DOCK5: variants seen among roughly 807,000 people sequenced by gnomAD.
The protein encoded by DOCK5 is dedicator of cytokinesis 5.
Under a neutral mutation model 251.8 loss-of-function variants are expected in DOCK5, and 142 were observed. The ratio of observed to expected loss-of-function variants is 0.56; its 90% CI spans 0.49 to 0.65. DOCK5 has a LOEUF of 0.65. DOCK5 is among the 30% of genes least tolerant of loss of function. The pLI, the probability that DOCK5 is intolerant of heterozygous loss-of-function variation, is 0.00. For synonymous variants in DOCK5, 842 were observed against 835.5 expected (o/e 1.01, Z -0.13); for missense variants, 2,111 against 2,312.3 (o/e 0.91, Z 1.79).
At chr8:25,398,621 C>T (rs1346039459) in intron 45 of DOCK5, among the ~76,000 whole-genome samples, 1 of 152,184 alleles carries the variant, frequency 6.6e-6, no homozygotes, top group Non-Finnish European at 1.5e-5. Context: ...CTTCTTGGTG[C>T]TCCGTGGCTT....
intron 27 of DOCK5, among the ~76,000 whole-genome samples, chr8:25,352,129 C>T (rs1031643978): frequency 6.6e-6 from 1 of 150,850 alleles, no homozygotes; most frequent in African/African-American, 2.4e-5. Context: ...GGGAGGATCA[C>T]TTAAACGTGA....
intron 49 of DOCK5, among the ~76,000 whole-genome samples, chr8:25,408,595 T>A (rs111602295): frequency 2.8e-4 from 43 of 152,330 alleles, no homozygotes; most frequent in African/African-American, 9.1e-4. Flanking sequence ...AAGAATCAAG[T>A]CTGTGGCCAT....
At chr8:25,255,963 ATAG>A (rs1447021412) in intron 2 of DOCK5, among the ~76,000 whole-genome samples, 1 of 152,362 alleles carries the variant, frequency 6.6e-6, no homozygotes, top group East Asian at 1.9e-4. Context: ...AGAAATGGTC[ATAG>A]TAGCAGGAAA....
At position 25,399,894 on chromosome 8, in the gene DOCK5, C is replaced by T. The variant is rs761270261; in HGVS notation, c.4705-17C>T. On this transcript the variant is annotated splice_polypyrimidine_tract_variant and intron_variant, in intron 45 of 51. Coordinates refer to ENST00000276440, the MANE Select transcript of DOCK5 (RefSeq NM_024940.8). ...AGGAATGTGTTCTAATTAAAACTTG[C>T]ATATGCTTTTTTTTAGGCTTTTTTT... 2 of 1,599,068 alleles carry T rather than the reference C, an allele frequency of 1.3e-6. No individual in the cohort carries two copies. Among genetic ancestry groups the T allele is most frequent in the Non-Finnish European group, 1.7e-6 (2 of 1,170,024 alleles).
At chr8:25,376,440 G>A in intron 37 of DOCK5, 4 of 895,316 alleles carry the variant, frequency 4.5e-6, no homozygotes, top group Non-Finnish European at 5.3e-6. Flanking sequence ...TTTTACGTGG[G>A]TCTCTGTCTG....
chr8:25,369,586 C>G lies in DOCK5; in HGVS notation c.3469C>G (p.Gln1157Glu), dbSNP rs1427041640. ...GAATGAGCTGATCACAAAGCTGGAC[C>G]AGGAGGTAGAAGGGGGCAGAGGAGA... ...FENELITKLD[Q>E]EVEGGRGDEQ... is the part of the protein sequence containing the mutation. The change falls in exon 34 of 52, where the codon CAG (glutamine) becomes GAG (glutamate). Residue 1157 changes from glutamine to glutamate, a missense_variant. Physicochemically the swap from Gln to Glu is conservative, Grantham distance 29. Around this residue, in one of 3 missense-constraint regions of DOCK5, gnomAD observed 1,717 missense variants for 1,892.4 expected, o/e 0.91. Coordinates refer to ENST00000276440, the MANE Select transcript of DOCK5 (RefSeq NM_024940.8). The G allele has an allele frequency of 1.9e-6, 3 of 1,611,574 alleles. No homozygotes were observed. In the Admixed American group the frequency reaches 5.0e-5, roughly 27 times the overall value.
intron 5 of DOCK5, among the ~76,000 whole-genome samples, chr8:25,282,230 CT>C (rs1352155622): frequency 1.5e-3 from 224 of 145,592 alleles, no homozygotes; most frequent in East Asian, 4.0e-3. Flanking sequence ...GTGGCTTTCT[CT>C]TTTTTTTTTT....
chr8:25,341,445 T>C (rs1379384691), intron 23 of DOCK5, among the ~76,000 whole-genome samples: 3 of 152,218 alleles, frequency 2.0e-5, no homozygotes, highest in Admixed American at 2.0e-4. Context: ...TTTATGGCCA[T>C]GTTGCAAGAG....
intron 2 of DOCK5, among the ~76,000 whole-genome samples, chr8:25,244,489 C>G (rs1181595954): frequency 6.6e-6 from 1 of 152,186 alleles, no homozygotes; most frequent in Admixed American, 6.5e-5. Context: ...AGTTGAGGAC[C>G]AAACCAAGAA....
chr8:25,409,061 T>G, intron 50 of DOCK5, 121 bp downstream of exon 50: 1 of 1,428,728 alleles, frequency 7.0e-7, no homozygotes, highest in Non-Finnish European at 9.6e-7. Flanking sequence ...ACTGGTTCAA[T>G]TTCGTGTTCG....
chr8:25,236,106 G>A (rs1161762781), intron 1 of DOCK5, among the ~76,000 whole-genome samples: 1 of 152,008 alleles, frequency 6.6e-6, no homozygotes, highest in East Asian at 1.9e-4. Flanking sequence ...CCAAGATAGA[G>A]ATTTCTAAAT....
At chr8:25,239,950 C>A (rs1802901961) in intron 1 of DOCK5, among the ~76,000 whole-genome samples, 1 of 152,160 alleles carries the variant, frequency 6.6e-6, no homozygotes, top group Non-Finnish European at 1.5e-5. Flanking sequence ...GTGCTCCTTC[C>A]TGCTCACTGA....
intron 47 of DOCK5, among the ~76,000 whole-genome samples, chr8:25,401,912 A>G (rs1463435109): frequency 2.0e-5 from 3 of 152,206 alleles, no homozygotes; most frequent in Non-Finnish European, 4.4e-5. Context: ...TGTGAATTAC[A>G]TTTCATATGC....
In DOCK5 at chr8:25,209,442, C is replaced by G. The variant is rs190642408; in HGVS notation, c.43+24491C>G. On this transcript the variant is annotated intron_variant, in intron 1 of 51. Coordinates refer to ENST00000276440, the MANE Select transcript of DOCK5 (RefSeq NM_024940.8). ...AAATCAGCACATGTGAATTCTGCTTCAAACTCTGCCACTAACCAGCTATTT... is the reference window on the plus strand; with the variant it reads ...AAATCAGCACATGTGAATTCTGCTTGAAACTCTGCCACTAACCAGCTATTT... Among the ~76,000 whole-genome samples, 2 of 70,738 alleles carry G rather than the reference C, an allele frequency of 2.8e-5. 1 individual carries two copies. Among genetic ancestry groups the G allele is most frequent in the East Asian group, 6.3e-4 (2 of 3,150 alleles). The allele number at this position is 70,738 out of a possible 152,430, so 46.4% of individuals were successfully genotyped here. A position where few individuals can be genotyped will look rare whatever the true frequency, so the allele number is the denominator to read the frequency against.
chr8:25,403,731 G>C lies in DOCK5; in HGVS notation c.5093+7G>C, dbSNP rs775378223. 2.5e-6 allele frequency: 4 copies of C among 1,613,460 alleles called. No homozygotes were observed. The highest frequency in any genetic ancestry group is 3.4e-6 in the Non-Finnish European group (4 of 1,179,652). On this transcript the variant is annotated splice_region_variant and intron_variant, in intron 48 of 51. Coordinates refer to ENST00000276440, the MANE Select transcript of DOCK5 (RefSeq NM_024940.8). The stretch of plus-strand genomic sequence containing the variant: ...CCAGACCGGGATCTGATGGGTAAGG[G>C]TTTCATCTTTAATCTGCAGGAAGGG...
At chr8:25,218,481 A>G (rs1347995587) in intron 1 of DOCK5, among the ~76,000 whole-genome samples, 1 of 152,176 alleles carries the variant, frequency 6.6e-6, no homozygotes, top group Admixed American at 6.5e-5. Context: ...GGACCTTGCC[A>G]TGGTCCAGGG....
At chr8:25,389,371 C>T in intron 41 of DOCK5, 139 bp downstream of exon 41, 1 of 1,167,804 alleles carries the variant, frequency 8.6e-7, no homozygotes, top group Non-Finnish European at 1.2e-6. Flanking sequence ...GGTTCCCATT[C>T]CATGTAAAAT....
chr8:25,334,689 G>C (rs1445375882), intron 21 of DOCK5, among the ~76,000 whole-genome samples: 2 of 150,832 alleles, frequency 1.3e-5, no homozygotes, highest in East Asian at 3.9e-4. Flanking sequence ...TCCAGCCTAA[G>C]TGACAGAGCA....
intron 1 of DOCK5, among the ~76,000 whole-genome samples, chr8:25,202,860 C>A (rs1206472048): frequency 6.6e-6 from 1 of 152,190 alleles, no homozygotes; most frequent in East Asian, 1.9e-4. Context: ...AACACCAGCA[C>A]TGCAATACCC....
Sources: allele counts gnomAD v4.1 joint callset (sites outside exome capture counted in the v4.1 genomes callset), GRCh38; gene constraint gnomAD v4.1.1; regional missense constraint gnomAD v4.1.1; transcripts MANE v1.5; gene names NCBI Gene and HGNC (gene_info 2026-07-23, HGNC 2026-07-21).